The following IPO8 variants were observed in gnomAD, a reference collection of about 807,000 sequenced individuals.
IPO8 encodes importin 8.
IPO8 carries 65 observed loss-of-function variants against 141.2 expected under a neutral mutation model. That is an observed-to-expected ratio of 0.46 (90% CI 0.38 to 0.57). IPO8 has a LOEUF of 0.57. IPO8 is among the 20% of genes least tolerant of loss of function. The probability of loss-of-function intolerance (pLI) is 0.00; values close to 1 mark genes in which losing one functional copy is unlikely to be tolerated. For synonymous variants in IPO8, 411 were observed against 420.3 expected (o/e 0.98, Z 0.27); for missense variants, 980 against 1,246.8 (o/e 0.79, Z 3.22).
chr12:30,647,603 C>CA (rs34098076), intron 20 of IPO8, among the ~76,000 whole-genome samples: 702 of 40,516 alleles, frequency 0.017, 22 homozygotes, highest in East Asian at 0.036. Context: ...AGACCGTCTC[C>CA]AAAAAAAAAA....
chr12:30,634,744 G>C (rs1229941052), intron 22 of IPO8, among the ~76,000 whole-genome samples: 1 of 152,086 alleles, frequency 6.6e-6, no homozygotes, highest in Non-Finnish European at 1.5e-5. Context: ...TGATTATAAA[G>C]TGCTTAGAAA....
At chr12:30,640,008 C>T (rs1039266521) in intron 20 of IPO8, among the ~76,000 whole-genome samples, 3 of 152,146 alleles carry the variant, frequency 2.0e-5, no homozygotes, top group Admixed American at 6.6e-5. Flanking sequence ...TAAGAGTCCA[C>T]GCTCAAACAG....
At chr12:30,669,457 T>G (rs951944099) in intron 9 of IPO8, among the ~76,000 whole-genome samples, 175 bp from the exon 10 acceptor site, 5 of 152,190 alleles carry the variant, frequency 3.3e-5, no homozygotes, top group African/African-American at 4.8e-5. Flanking sequence ...TTTGAAATTT[T>G]TTTTAACATT....
In IPO8 at chr12:30,639,596, C is replaced by T. The variant is rs778254539; in HGVS notation, c.2408G>A (p.Arg803Gln). ...TCCAGGGTTGTGAGGCAACTGAATTCGTTCTAAAGTATGTAGCAGCAAATC... is the reference window on the plus strand; with the variant it reads ...TCCAGGGTTGTGAGGCAACTGAATTTGTTCTAAAGTATGTAGCAGCAAATC... The part of the protein sequence containing the change: ...NPDLLLHTLE[R>Q]IQLPHNPGPI... Residue 803 changes from arginine to glutamine, a missense_variant, in exon 21 of 25, where the codon CGA (arginine) becomes CAA (glutamine). Arg to Gln is a conservative substitution (Grantham distance 43). Coordinates refer to ENST00000256079, the MANE Select transcript of IPO8 (RefSeq NM_006390.4). 4.3e-6 allele frequency: 7 copies of T among 1,613,890 alleles called. No individual in the cohort carries two copies. Among genetic ancestry groups the T allele is most frequent in the Middle Eastern group, 1.6e-4 (1 of 6,084 alleles).
chr12:30,639,840 G>C, intron 20 of IPO8, 105 bp from the exon 21 acceptor site: 1 of 739,658 alleles, frequency 1.4e-6, no homozygotes, highest in Non-Finnish European at 2.3e-6. Flanking sequence ...AGTCTTAATG[G>C]CAATGAGACT....
chr12:30,693,882 G>A (rs927374320), intron 1 of IPO8, among the ~76,000 whole-genome samples: 2 of 152,014 alleles, frequency 1.3e-5, no homozygotes, highest in Non-Finnish European at 2.9e-5. Context: ...AAGAGTCTAC[G>A]GCCATACCAC....
intron 21 of IPO8, among the ~76,000 whole-genome samples, chr12:30,638,102 G>C (rs4143103): frequency 1.3e-5 from 2 of 151,818 alleles, no homozygotes; most frequent in African/African-American, 4.8e-5. Flanking sequence ...GCAGAAAAGA[G>C]GATTATCAAG....
intron 13 of IPO8, among the ~76,000 whole-genome samples, chr12:30,664,390 T>C (rs755367588): frequency 3.3e-5 from 5 of 152,348 alleles, no homozygotes; most frequent in Non-Finnish European, 7.3e-5. Context: ...CAAGACATTT[T>C]TGTGTTGATA....
At chr12:30,685,421 G>C (rs573484739) in intron 2 of IPO8, among the ~76,000 whole-genome samples, 1 of 151,780 alleles carries the variant, frequency 6.6e-6, no homozygotes, top group Non-Finnish European at 1.5e-5. Context: ...TTACAGGTGT[G>C]AGCCACTGCA....
Position 30,669,291 on chromosome 12 carries a change from AG to A in IPO8, c.1045-10del, listed in dbSNP as rs755645492. 5.2e-6 allele frequency: 7 copies of A among 1,342,760 alleles called. No homozygotes were observed. Among genetic ancestry groups the A allele is most frequent in the South Asian group, 1.2e-5 (1 of 80,052 alleles). The allele number at this position is 1,342,760 out of a possible 1,614,324, so 83.2% of individuals were successfully genotyped here. A position where few individuals can be genotyped will look rare whatever the true frequency, so the allele number is the denominator to read the frequency against. ...ACATCTTCAGAGATATTCTAAAATG[AG>A]AAAAAAAAAAAAACGTAACAAATGG... is the stretch of plus-strand genomic sequence containing the variant. On this transcript the variant is annotated splice_polypyrimidine_tract_variant and intron_variant, in intron 9 of 24. Coordinates refer to ENST00000256079, the MANE Select transcript of IPO8 (RefSeq NM_006390.4).
At chr12:30,677,874 C>T (rs1046483056) in intron 5 of IPO8, among the ~76,000 whole-genome samples, 2 of 152,004 alleles carry the variant, frequency 1.3e-5, no homozygotes, top group Non-Finnish European at 2.9e-5. Flanking sequence ...TGGTGGCTCA[C>T]GCCTGTAATC....
chr12:30,650,974 C>T (rs961501598), intron 19 of IPO8, among the ~76,000 whole-genome samples: 19 of 151,652 alleles, frequency 1.3e-4, no homozygotes, highest in African/African-American at 3.1e-4. Flanking sequence ...AATAAGAATT[C>T]GACAAATATT....
intron 20 of IPO8, among the ~76,000 whole-genome samples, chr12:30,645,195 A>G (rs945746784): frequency 1.3e-5 from 2 of 151,716 alleles, no homozygotes; most frequent in Non-Finnish European, 2.9e-5. Context: ...CAACATGGCG[A>G]AACCCCATCT....
At chr12:30,658,260 T>C (rs2052829009) in intron 16 of IPO8, among the ~76,000 whole-genome samples, 2 of 152,224 alleles carry the variant, frequency 1.3e-5, no homozygotes. Context: ...TCATACACTA[T>C]TTGTCAGTGT....
At chr12:30,639,398 C>A in intron 21 of IPO8, 117 bp downstream of exon 21, 1 of 661,660 alleles carries the variant, frequency 1.5e-6, no homozygotes. Flanking sequence ...ATTAACAATA[C>A]ACTAAAAATA....
intron 3 of IPO8, 101 bp from the exon 4 acceptor site, chr12:30,681,918 C>T: frequency 3.1e-6 from 3 of 970,880 alleles, no homozygotes; most frequent in South Asian, 1.8e-5. Context: ...CTTCTATTTA[C>T]GTGTATTATA....
At chr12:30,658,495 TAATCAC>T (rs1172833154) in intron 16 of IPO8, among the ~76,000 whole-genome samples, 1 of 152,216 alleles carries the variant, frequency 6.6e-6, no homozygotes, top group Non-Finnish European at 1.5e-5. Context: ...CCTCTCTTGA[TAATCAC>T]AATAAGTTCA....
In IPO8 at chr12:30,674,714, C is replaced by A; in HGVS notation, c.769G>T (p.Val257Leu). ...HIDEDDRPELVWWKCKKWALH... is the reference protein window; with the variant it reads ...HIDEDDRPELLWWKCKKWALH... ...GCCCACTTCTTACACTTCCACCATA[C>A]CAGTTCTGGTCTATCATCCTCATCA... Residue 257 changes from valine (V) to leucine (L), a missense_variant, in exon 7 of 25, where the codon GTA becomes TTA. Val to Leu is a conservative substitution (Grantham distance 32, BLOSUM62 1). Transcript: ENST00000256079. 1 of 1,613,720 alleles carries A rather than the reference C, an allele frequency of 6.2e-7. No individual in the cohort carries two copies. The highest frequency in any genetic ancestry group is 1.7e-5 in the Admixed American group (1 of 60,008).
intron 20 of IPO8, among the ~76,000 whole-genome samples, chr12:30,640,962 T>C (rs2052567091): frequency 6.6e-6 from 1 of 152,236 alleles, no homozygotes; most frequent in African/African-American, 2.4e-5. Flanking sequence ...ATGTATTCTA[T>C]AAACATACAA....
Sources: allele counts gnomAD v4.1 joint callset (sites outside exome capture counted in the v4.1 genomes callset), GRCh38; gene constraint gnomAD v4.1.1; transcripts MANE v1.5; gene names NCBI Gene and HGNC (gene_info 2026-07-23, HGNC 2026-07-21).